Variants in TTC28 observed in about 807,000 individuals in gnomAD.
TTC28 encodes tetratricopeptide repeat domain 28.
Under a neutral mutation model 198.0 loss-of-function variants are expected in TTC28, and 61 were observed. That is an observed-to-expected ratio of 0.31 (90% CI 0.25 to 0.38). TTC28 has a LOEUF of 0.38. Among genes scored for constraint, TTC28 ranks in the 10% least tolerant of loss-of-function variants. TTC28 has a pLI of 1.00. For missense variants in TTC28, 2,678 were observed against 3,164.0 expected (o/e 0.85, Z 3.69); for synonymous variants, 1,171 against 1,297.8 (o/e 0.90, Z 2.10).
At chr22:28,428,607 A>ATTTTATT (rs1555995567) in intron 2 of TTC28, among the ~76,000 whole-genome samples, 1 of 142,114 alleles carries the variant, frequency 7.0e-6, no homozygotes, top group Non-Finnish European at 1.5e-5. Context: ...TTCATGAATT[A>ATTTTATT]TTATTTTATT....
chr22:28,483,604 T>G (rs2048280532), intron 2 of TTC28, among the ~76,000 whole-genome samples: 1 of 152,196 alleles, frequency 6.6e-6, no homozygotes, highest in Admixed American at 6.5e-5. Flanking sequence ...CAACATAAAA[T>G]AAAACCCATC....
At chr22:28,542,650 G>T (rs1341667021) in intron 2 of TTC28, among the ~76,000 whole-genome samples, 1 of 152,060 alleles carries the variant, frequency 6.6e-6, no homozygotes, top group African/African-American at 2.4e-5. Context: ...GGTTAATCCT[G>T]AAGTATCTGA....
At chr22:28,070,757 C>A (rs1459368819) in intron 12 of TTC28, among the ~76,000 whole-genome samples, 2 of 152,160 alleles carry the variant, frequency 1.3e-5, no homozygotes, top group Non-Finnish European at 2.9e-5. Flanking sequence ...TCCATTTCAT[C>A]TTCATCAAGA....
chr22:28,148,143 T>C (rs1943512770), intron 6 of TTC28, among the ~76,000 whole-genome samples: 1 of 152,218 alleles, frequency 6.6e-6, no homozygotes, highest in African/African-American at 2.4e-5. Flanking sequence ...AATCAGACTC[T>C]CATTTAGCTA....
At chr22:28,428,142 G>C (rs1453446455) in intron 2 of TTC28, among the ~76,000 whole-genome samples, 1 of 150,086 alleles carries the variant, frequency 6.7e-6, no homozygotes, top group Non-Finnish European at 1.5e-5. Flanking sequence ...AAAAAAAAGA[G>C]GTAGCACTCA....
intron 12 of TTC28, among the ~76,000 whole-genome samples, chr22:28,069,372 C>T (rs560896785): frequency 1.3e-5 from 2 of 152,200 alleles, no homozygotes; most frequent in South Asian, 4.1e-4. Context: ...GCAAACATCT[C>T]GTGAGTTCAT....
intron 1 of TTC28, among the ~76,000 whole-genome samples, chr22:28,646,523 A>G (rs755118948): frequency 1.3e-5 from 2 of 152,166 alleles, no homozygotes; most frequent in Admixed American, 6.5e-5. Flanking sequence ...TCAGGATACC[A>G]ATGTCATTTT....
chr22:28,189,068 T>G (rs1924474655), intron 5 of TTC28, among the ~76,000 whole-genome samples: 1 of 152,112 alleles, frequency 6.6e-6, no homozygotes, highest in Non-Finnish European at 1.5e-5. Flanking sequence ...AAAGTATTGT[T>G]GGGCACAGTA....
At chr22:28,331,524 C>A (rs1304760211) in intron 2 of TTC28, among the ~76,000 whole-genome samples, 1 of 152,022 alleles carries the variant, frequency 6.6e-6, no homozygotes, top group Non-Finnish European at 1.5e-5. Context: ...TCAGGGTCAT[C>A]TTTTATCCAT....
At chr22:28,013,174 G>A (rs5762449) in intron 14 of TTC28, among the ~76,000 whole-genome samples, 6,538 of 152,296 alleles carry the variant, frequency 0.043, 211 homozygotes, top group South Asian at 0.14. Context: ...TTTCTCCTCC[G>A]TCATTTGGCT....
chr22:28,157,501 C>A (rs915486737), intron 6 of TTC28, among the ~76,000 whole-genome samples: 1 of 152,120 alleles, frequency 6.6e-6, no homozygotes, highest in African/African-American at 2.4e-5. Context: ...AGGCCGATAT[C>A]CCTGATGAAT....
chr22:28,257,932 C>T (rs573330499), intron 5 of TTC28, among the ~76,000 whole-genome samples: 4 of 151,790 alleles, frequency 2.6e-5, no homozygotes, highest in Admixed American at 2.0e-4. Flanking sequence ...CACCACTGTC[C>T]TCAGAAATCT....
chr22:28,481,616 T>A (rs2048247855), intron 2 of TTC28, among the ~76,000 whole-genome samples: 1 of 152,192 alleles, frequency 6.6e-6, no homozygotes, highest in South Asian at 2.1e-4. Flanking sequence ...AGAATGAGAT[T>A]AGGTAAATAG....
At chr22:28,440,228 T>C (rs967201264) in intron 2 of TTC28, among the ~76,000 whole-genome samples, 3 of 152,038 alleles carry the variant, frequency 2.0e-5, no homozygotes, top group Non-Finnish European at 4.4e-5. Flanking sequence ...ACATGGCTCT[T>C]GGTGGGAGAC....
chr22:28,124,134 C>T (rs1007445846), intron 6 of TTC28, among the ~76,000 whole-genome samples: 5 of 151,990 alleles, frequency 3.3e-5, no homozygotes, highest in South Asian at 4.2e-4. Flanking sequence ...TGTTGCCTCT[C>T]CCTTATTCTG....
intron 2 of TTC28, among the ~76,000 whole-genome samples, chr22:28,571,768 G>A (rs2050063425): frequency 6.6e-6 from 1 of 151,708 alleles, no homozygotes. Flanking sequence ...GACAAACATG[G>A]TGAAACCCCA....
At chr22:28,243,744 G>GA (rs913147239) in intron 5 of TTC28, among the ~76,000 whole-genome samples, 2 of 152,064 alleles carry the variant, frequency 1.3e-5, no homozygotes, top group African/African-American at 4.8e-5. Context: ...CTCTGACACA[G>GA]AAAAAACAAG....
intron 2 of TTC28, among the ~76,000 whole-genome samples, chr22:28,388,898 G>T (rs370101079): frequency 3.6e-4 from 55 of 152,302 alleles, no homozygotes; most frequent in African/African-American, 1.2e-3. Context: ...AGTGGTGAGA[G>T]AGGGCATCCC....
intron 2 of TTC28, among the ~76,000 whole-genome samples, chr22:28,362,971 AAAC>A (rs199776193): frequency 3.9e-5 from 6 of 152,040 alleles, no homozygotes; most frequent in East Asian, 1.9e-4. Context: ...AACAAACAAA[AAAC>A]AACAACAACA....
Sources: gnomAD v4.1 joint callset for allele counts (sites outside exome capture counted in the v4.1 genomes callset) on GRCh38, gnomAD v4.1.1 for gene constraint, MANE v1.5 for transcripts, NCBI Gene and HGNC (gene_info 2026-07-23, HGNC 2026-07-21) for gene names.